CRACD: variants seen among roughly 807,000 people sequenced by gnomAD.
CRACD encodes capping protein inhibiting regulator of actin dynamics, also known as capping protein-inhibiting regulator of actin dynamics.
A neutral mutation model predicts 106.8 loss-of-function variants in CRACD; 56 were observed. That is an observed-to-expected ratio of 0.52 (90% CI 0.42 to 0.66). The LOEUF is 0.66. Ranked by LOEUF, CRACD falls within the 30% of genes least tolerant of loss-of-function variation. CRACD has a pLI of 0.00. For missense variants in CRACD, 1,730 were observed against 1,623.2 expected, an observed-to-expected ratio of 1.07 and a Z score of -1.13; for synonymous variants, 754 against 670.8, an observed-to-expected ratio of 1.12 and a Z score of -1.92.
intron 2 of CRACD, among the ~76,000 whole-genome samples, chr4:56,207,695 C>T (rs930483933): frequency 1.4e-5 from 2 of 146,140 alleles, no homozygotes; most frequent in Non-Finnish European, 3.0e-5. Context: ...TAAGAGTTCT[C>T]ATGATAGCAG....
Position 56,316,230 on chromosome 4 carries a change from C to A in CRACD, c.2728C>A (p.Arg910=), listed in dbSNP as rs1003914517. The change falls in exon 8 of 11, where the codon CGG becomes AGG. Residue 910 remains arginine, a synonymous_variant. Transcript: ENST00000682029. ...LKHGPSLPQE[R]KQAPSTRRDS... is the part of the protein sequence containing the mutation. The stretch of plus-strand genomic sequence containing the variant: ...GCATGGTCCATCCCTCCCCCAAGAG[C>A]GGAAGCAAGCCCCTTCCACCCGGAG... 2.5e-6 allele frequency: 4 copies of A among 1,613,964 alleles called. No individual in the cohort carries two copies. The highest frequency in any genetic ancestry group is 3.4e-6 in the Non-Finnish European group (4 of 1,179,854).
rs566492691 is a variant in CRACD, at chr4:56,072,935, G to C, written c.-336+23636G>C. Among the ~76,000 whole-genome samples the C allele has an allele frequency of 4.3e-4, 65 of 152,206 alleles. No individual in the cohort carries two copies. In the South Asian group the frequency reaches 0.013, roughly 31 times the overall value. ...CCATGTCCCTGCAAAGGACATGAAC[G>C]CATTCTTTTTTATGGCTGCATAGTA... On this transcript the variant is annotated intron_variant, in intron 1 of 10. Transcript: ENST00000682029.
intron 1 of CRACD, among the ~76,000 whole-genome samples, chr4:56,117,286 G>C (rs960821403): frequency 6.6e-6 from 1 of 152,134 alleles, no homozygotes; most frequent in African/African-American, 2.4e-5. Flanking sequence ...CTCCCAAAGT[G>C]CTGGGATTAC....
At chr4:56,139,360 C>A (rs1055996376) in intron 1 of CRACD, among the ~76,000 whole-genome samples, 9 of 152,172 alleles carry the variant, frequency 5.9e-5, no homozygotes, top group African/African-American at 2.2e-4. Flanking sequence ...TTTCCCCTCT[C>A]TCTTCACCTT....
intron 2 of CRACD, among the ~76,000 whole-genome samples, chr4:56,215,945 T>A (rs1405601814): frequency 6.6e-6 from 1 of 152,224 alleles, no homozygotes; most frequent in Non-Finnish European, 1.5e-5. Context: ...CTCTTATAGA[T>A]GAGAACAAAA....
chr4:56,141,083 A>G (rs1735180816), intron 1 of CRACD, among the ~76,000 whole-genome samples: 1 of 152,240 alleles, frequency 6.6e-6, no homozygotes. Context: ...TGGAGAAGCC[A>G]TGAGGCTTAG....
In CRACD at chr4:56,324,230, C is replaced by T; in HGVS notation, c.3505C>T (p.Leu1169=). Residue 1169 remains leucine (L), a synonymous_variant, in exon 10 of 11, where the codon CTG becomes TTG. Coordinates refer to ENST00000682029, the MANE Select transcript of CRACD (RefSeq NM_001393381.1). The part of the protein sequence containing the change: ...AVSRLERREQ[L]KKANTLPTSV... ...GTCCAGGCTTGAGCGCAGAGAACAG[C>T]TGAAAAAGGCCAATACTCTTCCTAC... is the stretch of plus-strand genomic sequence containing the variant. The T allele has an allele frequency of 6.2e-7, 1 of 1,614,078 alleles. No homozygotes were observed. The highest frequency in any genetic ancestry group is 8.5e-7 in the Non-Finnish European group (1 of 1,179,956).
intron 1 of CRACD, among the ~76,000 whole-genome samples, chr4:56,071,846 GGCCGGGC>G (rs1233921141): frequency 1.3e-5 from 2 of 151,768 alleles, no homozygotes; most frequent in African/African-American, 2.4e-5. Context: ...TCAGAATTGG[GGCCGGGC>G]GCGGTGGCTC....
At chr4:56,274,103 T>C (rs1285596033) in intron 3 of CRACD, among the ~76,000 whole-genome samples, 1 of 152,178 alleles carries the variant, frequency 6.6e-6, no homozygotes, top group African/African-American at 2.4e-5. Context: ...GGTAAGAAAA[T>C]GATTTAATTT....
chr4:56,279,610 G>C (rs1034022131), intron 3 of CRACD, among the ~76,000 whole-genome samples: 1 of 152,170 alleles, frequency 6.6e-6, no homozygotes, highest in African/African-American at 2.4e-5. Flanking sequence ...TCTCACACCA[G>C]TTAGAATGGC....
chr4:56,242,874 G>A (rs567759469), intron 2 of CRACD, among the ~76,000 whole-genome samples: 1 of 152,230 alleles, frequency 6.6e-6, no homozygotes, highest in Non-Finnish European at 1.5e-5. Flanking sequence ...AAGGGAGTAC[G>A]TGGAAGTTTG....
intron 2 of CRACD, among the ~76,000 whole-genome samples, chr4:56,271,340 G>A (rs953475269): frequency 1.3e-5 from 2 of 152,200 alleles, no homozygotes; most frequent in Non-Finnish European, 1.5e-5. Context: ...AGCAAGCCTA[G>A]TTCCTGACTA....
chr4:56,277,053 T>G (rs1262486906), intron 3 of CRACD, among the ~76,000 whole-genome samples: 1 of 152,052 alleles, frequency 6.6e-6, no homozygotes, highest in Non-Finnish European at 1.5e-5. Flanking sequence ...AGGGAAGGCA[T>G]GAACCTGTCA....
chr4:56,211,063 T>C (rs1738377583), intron 2 of CRACD, among the ~76,000 whole-genome samples: 2 of 152,252 alleles, frequency 1.3e-5, no homozygotes, highest in Admixed American at 1.3e-4. Flanking sequence ...TAGATGAGAC[T>C]AATTTGGGAG....
chr4:56,289,028 G>A (rs892329321), intron 3 of CRACD, among the ~76,000 whole-genome samples: 1 of 152,158 alleles, frequency 6.6e-6, no homozygotes, highest in African/African-American at 2.4e-5. Context: ...CAAAAGGACA[G>A]ATATTATATT....
chr4:56,314,481 G>A lies in CRACD; in HGVS notation c.979G>A (p.Ala327Thr). 1.3e-6 allele frequency: 2 copies of A among 1,528,240 alleles called. No individual in the cohort carries two copies. The highest frequency in any genetic ancestry group is 1.8e-6 in the Non-Finnish European group (2 of 1,138,598). The allele number at this position is 1,528,240 out of a possible 1,614,324, so 94.7% of individuals were successfully genotyped here. Residue 327 changes from alanine (A) to threonine (T), a missense_variant, in exon 8 of 11, where the codon GCC becomes ACC. Around this residue, in one of 5 missense-constraint regions of CRACD, gnomAD observed 1,620 missense variants for 1,481.6 expected, o/e 1.09. Transcript: ENST00000682029. This position sits in a 1 kb window ranked among gnomAD's most constrained non-coding sequence, Gnocchi z 4.4. ...GGAGCGAAGGCGTCTGCAGGCCCAGGCCCAAGCGGAGGAGAGGCGGCGGCT... is the reference window on the plus strand; with the variant it reads ...GGAGCGAAGGCGTCTGCAGGCCCAGACCCAAGCGGAGGAGAGGCGGCGGCT... ...EEERRRLQAQAQAEERRRLEE... is the reference protein window; with the variant it reads ...EEERRRLQAQTQAEERRRLEE...
intron 2 of CRACD, among the ~76,000 whole-genome samples, chr4:56,255,645 C>T (rs1741312926): frequency 6.6e-6 from 1 of 152,178 alleles, no homozygotes; most frequent in African/African-American, 2.4e-5. Flanking sequence ...GAAATAAATC[C>T]CACTAAATTT....
chr4:56,215,394 C>T (rs947136791), intron 2 of CRACD, among the ~76,000 whole-genome samples: 3 of 152,172 alleles, frequency 2.0e-5, no homozygotes, highest in Admixed American at 2.0e-4. Context: ...TCCTGGAGGC[C>T]ACACCTCCTA....
At chr4:56,195,470 C>T (rs371141769) in intron 2 of CRACD, among the ~76,000 whole-genome samples, 3 of 151,910 alleles carry the variant, frequency 2.0e-5, no homozygotes, top group African/African-American at 7.3e-5. Flanking sequence ...GGTATTAAGA[C>T]AATTTAGGTG....
Sources: gnomAD v4.1 joint callset for allele counts (sites outside exome capture counted in the v4.1 genomes callset) on GRCh38, gnomAD v4.1.1 for gene constraint, gnomAD v4.1.1 regional missense constraint, Gnocchi (gnomAD v3.1) non-coding constraint, MANE v1.5 for transcripts, NCBI Gene and HGNC (gene_info 2026-07-23, HGNC 2026-07-21) for gene names.